Variants in TEX264 observed in about 807,000 individuals in gnomAD.
The protein encoded by TEX264 is testis-expressed protein 264.
In TEX264, 13 loss-of-function variants were observed where a neutral mutation model predicts 23.4. That is an observed-to-expected ratio of 0.56 (90% CI 0.36 to 0.88). TEX264 has a LOEUF of 0.88. Among genes scored for constraint, TEX264 ranks in the 40% least tolerant of loss-of-function variants. TEX264 has a pLI of 0.01. For synonymous variants in TEX264, 159 were observed against 170.0 expected (o/e 0.94, Z 0.50); for missense variants, 340 against 406.8 (o/e 0.84, Z 1.41).
At chr3:51,698,085 C>T (rs540185492) in intron 3 of TEX264, among the ~76,000 whole-genome samples, 1 of 152,268 alleles carries the variant, frequency 6.6e-6, no homozygotes, top group South Asian at 2.1e-4. Flanking sequence ...CCACCTCCCG[C>T]GTGGCCTCCT....
Position 51,680,439 on chromosome 3 carries a change from C to T in TEX264, c.259-3974C>T, listed in dbSNP as rs185371003. On this transcript the variant is annotated intron_variant, in intron 2 of 4. Coordinates refer to ENST00000341333, the MANE Select transcript of TEX264 (RefSeq NM_015926.6). ...AGTGGGGCCAGCCTTGGGACTAGCT[C>T]GTACCTGGAAGCCTCAGGTTCTAAG... Among the ~76,000 whole-genome samples, 13 of 152,320 alleles carry T rather than the reference C, an allele frequency of 8.5e-5. No homozygotes were observed. The East Asian group carries it at 1.9e-3, about 23-fold the overall frequency.
At chr3:51,671,334 C>G (rs575120680) in intron 1 of TEX264, 46 bp downstream of exon 1, 1 of 152,410 alleles carries the variant, frequency 6.6e-6, no homozygotes, top group South Asian at 2.1e-4. Flanking sequence ...GGGCGTAGGT[C>G]TGGGACTCCC....
chr3:51,701,052 T>C (rs1180149519), intron 4 of TEX264, among the ~76,000 whole-genome samples: 1 of 152,232 alleles, frequency 6.6e-6, no homozygotes, highest in Non-Finnish European at 1.5e-5. Context: ...TTAGCTGCCT[T>C]GTGCCTGTTA....
chr3:51,687,547 G>A (rs905844406), intron 3 of TEX264, among the ~76,000 whole-genome samples: 6 of 152,224 alleles, frequency 3.9e-5, no homozygotes, highest in East Asian at 1.9e-4. Flanking sequence ...GTGCGTGCGC[G>A]TGTGTACACC....
chr3:51,699,198 C>T (rs527345622), intron 3 of TEX264, among the ~76,000 whole-genome samples: 1 of 152,258 alleles, frequency 6.6e-6, no homozygotes, highest in Admixed American at 6.5e-5. Context: ...GGTCTTCAGA[C>T]TATTATTGCA....
At chr3:51,698,243 G>A (rs533075390) in intron 3 of TEX264, among the ~76,000 whole-genome samples, 3 of 152,338 alleles carry the variant, frequency 2.0e-5, no homozygotes, top group Admixed American at 2.0e-4. Context: ...TCAACCCTAG[G>A]GTTGGCCAGG....
chr3:51,693,094 A>G (rs543010524), intron 3 of TEX264, among the ~76,000 whole-genome samples: 2 of 152,308 alleles, frequency 1.3e-5, no homozygotes, highest in East Asian at 3.9e-4. Context: ...CCACCCCTCA[A>G]TACCCCAGGC....
At position 51,674,135 on chromosome 3, in the gene TEX264, C is replaced by T. The variant is rs187543253; in HGVS notation, c.-34-136C>T. 83 of 810,792 alleles carry T rather than the reference C, an allele frequency of 1.0e-4. 1 individual carries two copies. In the East Asian group the frequency reaches 2.1e-3, roughly 21 times the overall value. 50.2% of individuals were successfully genotyped at this position (810,792 alleles called of 1,614,324 possible). On this transcript the variant is annotated intron_variant, in intron 1 of 4. Transcript: ENST00000341333. ...TTCCAGGTCACTCTGTGTGTAAACA[C>T]CTCTGGCCCCTCCCCTTTCTGGGTC...
intron 2 of TEX264, among the ~76,000 whole-genome samples, chr3:51,675,483 C>T (rs1702199505): frequency 1.3e-5 from 2 of 152,212 alleles, no homozygotes; most frequent in South Asian, 4.1e-4. Context: ...CTAGTTGAAA[C>T]AGGATGTACT....
chr3:51,704,105 G>A lies in TEX264; in HGVS notation c.*89G>A. The A allele has an allele frequency of 8.2e-7, 1 of 1,218,616 alleles. No individual in the cohort carries two copies. The highest frequency in any genetic ancestry group is 1.1e-6 in the Non-Finnish European group (1 of 949,840). The allele number at this position is 1,218,616 out of a possible 1,614,324, so 75.5% of individuals were successfully genotyped here. ...CTCCAGCCCTCTTCCTCCTTCCTCT[G>A]GGGGAGGAGGGGTTCCTGAGGGACC... On this transcript the variant is annotated 3_prime_UTR_variant, in exon 5 of 5. Coordinates refer to ENST00000341333, the MANE Select transcript of TEX264 (RefSeq NM_015926.6).
chr3:51,699,684 CAGGCT>C, intron 4 of TEX264, 110 bp downstream of exon 4: 2 of 1,318,880 alleles, frequency 1.5e-6, no homozygotes, highest in South Asian at 2.7e-5. Context: ...CTGTGGGTGT[CAGGCT>C]ATGCTTGGCA....
intron 3 of TEX264, among the ~76,000 whole-genome samples, chr3:51,698,980 CA>C (rs1302821582): frequency 6.6e-6 from 1 of 152,064 alleles, no homozygotes; most frequent in Non-Finnish European, 1.5e-5. Context: ...AGGTCAGGGC[CA>C]GGGGGTCCTG....
intron 4 of TEX264, among the ~76,000 whole-genome samples, chr3:51,700,340 TCTC>T (rs1402262501): frequency 1.3e-5 from 2 of 152,006 alleles, no homozygotes; most frequent in African/African-American, 2.4e-5. Flanking sequence ...CTGTCCCTCC[TCTC>T]CTCCTTCTTT....
At chr3:51,698,144 C>A (rs1307906087) in intron 3 of TEX264, among the ~76,000 whole-genome samples, 1 of 152,048 alleles carries the variant, frequency 6.6e-6, no homozygotes, top group Admixed American at 6.6e-5. Context: ...GCTAGGTAAA[C>A]CTTTCAGGCT....
At position 51,675,038 on chromosome 3, in the gene TEX264, T is replaced by C. The variant is rs146364293; in HGVS notation, c.258+476T>C. On this transcript the variant is annotated intron_variant, in intron 2 of 4. Coordinates refer to ENST00000341333, the MANE Select transcript of TEX264 (RefSeq NM_015926.6). ...CCTTGAGGGCTGAGAGGGCAGTCCC[T>C]GGGGATGGGGCTTGGAATCTTACCT... is the stretch of plus-strand genomic sequence containing the variant. Among the ~76,000 whole-genome samples the C allele has an allele frequency of 3.8e-3, 575 of 152,320 alleles. 3 individuals carry two copies. The highest frequency in any genetic ancestry group is 0.013 in the African/African-American group (540 of 41,578).
chr3:51,676,206 C>T (rs952051152), intron 2 of TEX264, among the ~76,000 whole-genome samples: 2 of 152,192 alleles, frequency 1.3e-5, no homozygotes, highest in Admixed American at 1.3e-4. Flanking sequence ...CACACCTGGC[C>T]CAGTCAGAGC....
In TEX264 at chr3:51,686,070, G is replaced by A. The variant is rs1013255979; in HGVS notation, c.480+1436G>A. On this transcript the variant is annotated intron_variant, in intron 3 of 4. Coordinates refer to ENST00000341333, the MANE Select transcript of TEX264 (RefSeq NM_015926.6). The surrounding 1 kb of genome is among the most constrained non-coding windows in gnomAD (Gnocchi z 4.1). ...GGTAGCTATTTGGGCTATGTCAGGG[G>A]AGCTGCCTGAGATACATCTAAGTTG... is the stretch of plus-strand genomic sequence containing the variant. Among the ~76,000 whole-genome samples the A allele has an allele frequency of 6.6e-6, 1 of 152,192 alleles. No homozygotes were observed. Among genetic ancestry groups the A allele is most frequent in the African/African-American group, 2.4e-5 (1 of 41,436 alleles).
chr3:51,672,978 C>G (rs990026419), intron 1 of TEX264, among the ~76,000 whole-genome samples: 1 of 152,164 alleles, frequency 6.6e-6, no homozygotes, highest in African/African-American at 2.4e-5. Flanking sequence ...ATGGGTGAGA[C>G]TAGTGGGCAA....
intron 2 of TEX264, among the ~76,000 whole-genome samples, chr3:51,680,603 C>T (rs1469574492): frequency 1.3e-5 from 2 of 152,206 alleles, no homozygotes; most frequent in African/African-American, 4.8e-5. Flanking sequence ...TGTCTTTACC[C>T]CGAGTGGTGG....
Sources: gnomAD v4.1 joint callset for allele counts (sites outside exome capture counted in the v4.1 genomes callset) on GRCh38, gnomAD v4.1.1 for gene constraint, Gnocchi (gnomAD v3.1) non-coding constraint, MANE v1.5 for transcripts, NCBI Gene and HGNC (gene_info 2026-07-23, HGNC 2026-07-21) for gene names.